The following SNTG2 variants were observed in gnomAD, a reference collection of about 807,000 sequenced individuals.
The protein encoded by SNTG2 is syntrophin gamma 2, also known as gamma-2-syntrophin.
SNTG2 carries 74 observed loss-of-function variants against 70.9 expected under a neutral mutation model. That is an observed-to-expected ratio of 1.04 (90% CI 0.86 to 1.27). SNTG2 has a LOEUF of 1.27. SNTG2 is among the 50% of genes most tolerant of loss of function. The pLI is 0.00. For missense variants in SNTG2, 717 were observed against 690.7 expected (o/e 1.04, Z -0.43); for synonymous variants, 278 against 273.8 (o/e 1.02, Z -0.15).
At chr2:1,061,971 TCA>T (rs1407056945) in intron 1 of SNTG2, among the ~76,000 whole-genome samples, 1 of 152,046 alleles carries the variant, frequency 6.6e-6, no homozygotes, top group Non-Finnish European at 1.5e-5. Context: ...GAAATATGTA[TCA>T]CAATAAAAAT....
intron 4 of SNTG2, among the ~76,000 whole-genome samples, chr2:1,110,093 A>G (rs1435543180): frequency 2.0e-5 from 3 of 152,062 alleles, no homozygotes; most frequent in Non-Finnish European, 4.4e-5. Flanking sequence ...TATATATACT[A>G]CATTTGGTGG....
At chr2:1,362,867 A>T (rs1422026034) in intron 16 of SNTG2, among the ~76,000 whole-genome samples, 1 of 152,212 alleles carries the variant, frequency 6.6e-6, no homozygotes, top group African/African-American at 2.4e-5. Flanking sequence ...TGAGCATTTC[A>T]GTAGAACTTC....
intron 1 of SNTG2, among the ~76,000 whole-genome samples, chr2:1,009,827 G>A (rs962946530): frequency 1.3e-5 from 2 of 152,178 alleles, no homozygotes; most frequent in Admixed American, 6.5e-5. Context: ...ATTTATGATA[G>A]GGAATGAGAT....
intron 8 of SNTG2, among the ~76,000 whole-genome samples, chr2:1,197,617 G>A (rs1171133405): frequency 6.6e-6 from 1 of 151,430 alleles, no homozygotes; most frequent in Non-Finnish European, 1.5e-5. Context: ...GCTTACTGCA[G>A]CTTCAACCTT....
chr2:1,314,970 A>T (rs536949073), intron 15 of SNTG2, among the ~76,000 whole-genome samples: 1 of 152,288 alleles, frequency 6.6e-6, no homozygotes, highest in African/African-American at 2.4e-5. Flanking sequence ...TCCCATAACA[A>T]TTCAAGATGA....
At chr2:960,905 C>T (rs1336215835) in intron 1 of SNTG2, among the ~76,000 whole-genome samples, 1 of 152,216 alleles carries the variant, frequency 6.6e-6, no homozygotes, top group African/African-American at 2.4e-5. Flanking sequence ...TGGGACTCCT[C>T]ACCTGCCCTC....
intron 1 of SNTG2, among the ~76,000 whole-genome samples, chr2:1,004,273 T>C (rs1196562609): frequency 6.6e-6 from 1 of 152,242 alleles, no homozygotes; most frequent in Non-Finnish European, 1.5e-5. Flanking sequence ...ATGTTGGATA[T>C]GATGATGACT....
chr2:1,365,035 C>T (rs1013291033), intron 16 of SNTG2, among the ~76,000 whole-genome samples: 2 of 151,944 alleles, frequency 1.3e-5, no homozygotes, highest in African/African-American at 4.8e-5. Flanking sequence ...CATTGAATTA[C>T]AATATGTGCT....
At chr2:1,279,900 G>A (rs1298826024) in intron 14 of SNTG2, among the ~76,000 whole-genome samples, 1 of 152,186 alleles carries the variant, frequency 6.6e-6, no homozygotes, top group Non-Finnish European at 1.5e-5. Context: ...TAAGTGGCTG[G>A]GAAGATCGTT....
chr2:1,134,380 T>A (rs1038817493), intron 4 of SNTG2, among the ~76,000 whole-genome samples: 2 of 151,892 alleles, frequency 1.3e-5, no homozygotes, highest in Non-Finnish European at 2.9e-5. Context: ...TGCTGATTGG[T>A]GAGTTTACAA....
chr2:1,033,783 C>T (rs1660976468), intron 1 of SNTG2, among the ~76,000 whole-genome samples: 1 of 152,172 alleles, frequency 6.6e-6, no homozygotes, highest in Non-Finnish European at 1.5e-5. Context: ...CACTCACAGG[C>T]ATTTTCACAA....
chr2:1,240,835 CAACT>C (rs76997298), intron 11 of SNTG2, among the ~76,000 whole-genome samples: 14,635 of 152,090 alleles, frequency 0.096, 775 homozygotes, highest in South Asian at 0.15. Context: ...AAATTACCAT[CAACT>C]ATTTTTGTTT....
intron 4 of SNTG2, among the ~76,000 whole-genome samples, chr2:1,113,115 CTAAG>C (rs72425361): frequency 0.33 from 43,032 of 128,970 alleles, 9,033 homozygotes; most frequent in Non-Finnish European, 0.45. Flanking sequence ...ATCGTGTGTA[CTAAG>C]TGAGGTTTAA....
intron 1 of SNTG2, among the ~76,000 whole-genome samples, chr2:976,478 C>T (rs1159571231): frequency 2.6e-5 from 4 of 152,176 alleles, no homozygotes; most frequent in Non-Finnish European, 5.9e-5. Flanking sequence ...TCCCCTGCTC[C>T]GTCCCCACCT....
At chr2:1,105,580 T>C (rs955935666) in intron 4 of SNTG2, among the ~76,000 whole-genome samples, 3 of 152,122 alleles carry the variant, frequency 2.0e-5, no homozygotes, top group African/African-American at 4.8e-5. Flanking sequence ...CCATGGGCGA[T>C]TGGATTTGAC....
chr2:1,209,536 T>C (rs1027823717), intron 9 of SNTG2, among the ~76,000 whole-genome samples: 1 of 152,212 alleles, frequency 6.6e-6, no homozygotes, highest in African/African-American at 2.4e-5. Flanking sequence ...CTAACAGAAT[T>C]AGACTGGAAA....
At chr2:1,236,737 C>T (rs182951149) in intron 9 of SNTG2, among the ~76,000 whole-genome samples, 1 of 152,182 alleles carries the variant, frequency 6.6e-6, no homozygotes, top group African/African-American at 2.4e-5. Context: ...TATACCATCT[C>T]TGTTTCCTAC....
intron 1 of SNTG2, among the ~76,000 whole-genome samples, chr2:1,003,125 A>G (rs1219446623): frequency 6.6e-6 from 1 of 152,130 alleles, no homozygotes; most frequent in Admixed American, 6.5e-5. Flanking sequence ...GAGATGAGAA[A>G]TTACCTCATG....
chr2:1,300,392 T>A (rs570057756), intron 14 of SNTG2, among the ~76,000 whole-genome samples: 1 of 152,212 alleles, frequency 6.6e-6, no homozygotes, highest in Admixed American at 6.5e-5. Flanking sequence ...GAAGAAAGCA[T>A]TGGCCTCCCG....
Sources: allele counts gnomAD v4.1 joint callset (sites outside exome capture counted in the v4.1 genomes callset), GRCh38; gene constraint gnomAD v4.1.1; transcripts MANE v1.5; gene names NCBI Gene and HGNC (gene_info 2026-07-23, HGNC 2026-07-21).